The following COL16A1 variants were observed in gnomAD, a reference collection of about 807,000 sequenced individuals.
The protein encoded by COL16A1 is collagen type XVI alpha 1 chain, also known as collagen alpha-1(XVI) chain.
Under a neutral mutation model 266.3 loss-of-function variants are expected in COL16A1, and 189 were observed. That is an observed-to-expected ratio of 0.71 (90% CI 0.63 to 0.80). COL16A1 has a LOEUF of 0.80. COL16A1 is among the 30% of genes least tolerant of loss of function. The probability of loss-of-function intolerance (pLI) is 0.00; values close to 1 mark genes in which losing one functional copy is unlikely to be tolerated. For missense variants in COL16A1, 1,928 were observed against 2,122.4 expected (o/e 0.91, Z 1.80); for synonymous variants, 740 against 782.3 (o/e 0.95, Z 0.90).
At chr1:31,690,653 C>G (rs1009429661) in intron 20 of COL16A1, 80 bp from the exon 21 acceptor site, 39 of 1,558,192 alleles carry the variant, frequency 2.5e-5, no homozygotes, top group Non-Finnish European at 3.2e-5. Flanking sequence ...CACCCGTGCC[C>G]CTCTGTGATG....
intron 42 of COL16A1, among the ~76,000 whole-genome samples, chr1:31,678,193 G>A (rs939575937): frequency 6.6e-6 from 1 of 152,144 alleles, no homozygotes; most frequent in Admixed American, 6.5e-5. Flanking sequence ...TGCCAGGGTG[G>A]CGGGGGTGGG....
intron 2 of COL16A1, chr1:31,701,514 CAAGGCCA>C: frequency 1.0e-6 from 1 of 985,378 alleles, no homozygotes; most frequent in Non-Finnish European, 1.2e-6. Flanking sequence ...GGGCACCCAG[CAAGGCCA>C]GGCAAGTTGC....
At chr1:31,654,683 T>C in intron 68 of COL16A1, 109 bp downstream of exon 68, 1 of 1,587,746 alleles carries the variant, frequency 6.3e-7, no homozygotes, top group Middle Eastern at 2.2e-4. Context: ...GTGTGGAGGG[T>C]GAGAGCAGGA....
intron 61 of COL16A1, 54 bp from the exon 62 acceptor site, chr1:31,660,692 A>C (rs1449449243): frequency 1.9e-6 from 3 of 1,608,834 alleles, no homozygotes. Flanking sequence ...TGCTTGCACC[A>C]TGTGGCTGTC....
In COL16A1 at chr1:31,701,911, C is replaced by T. The variant is rs182806341; in HGVS notation, c.73+210G>A. 1.1e-3 allele frequency among the ~76,000 whole-genome samples: 172 copies of T among 152,194 alleles called. 1 individual carries two copies. Among genetic ancestry groups the T allele is most frequent in the Non-Finnish European group, 9.0e-4 (61 of 68,002 alleles). On this transcript the variant is annotated intron_variant, in intron 2 of 70. Coordinates refer to ENST00000373672, the MANE Select transcript of COL16A1 (RefSeq NM_001856.4). ...ACACAGAGATGCTCAGAGACATAAA[C>T]GTACGAAGACACAGGCACACACACT...
At position 31,684,464 on chromosome 1, in the gene COL16A1, G is replaced by T; in HGVS notation, c.2160+59C>A. 3 of 1,581,356 alleles carry T rather than the reference G, an allele frequency of 1.9e-6. No homozygotes were observed. The South Asian group carries it at 3.4e-5, about 18-fold the overall frequency. Reference sequence around the variant, plus strand: ...CCTGCAGTCCTTCCCTCACTGGTGCGACACCTGATTTTTTTTATGCAACAA... The same window carrying T: ...CCTGCAGTCCTTCCCTCACTGGTGCTACACCTGATTTTTTTTATGCAACAA... On this transcript the variant is annotated intron_variant, in intron 31 of 70. Transcript: ENST00000373672.
Position 31,665,380 on chromosome 1 carries a change from T to G in COL16A1, c.3493-146A>C, listed in dbSNP as rs1484496638. On this transcript the variant is annotated intron_variant, in intron 55 of 70. Coordinates refer to ENST00000373672, the MANE Select transcript of COL16A1 (RefSeq NM_001856.4). Reference sequence around the variant, plus strand: ...ACCACTTGGGAGCATTACGTCTGCCTGGCCTGCTGGGCTGGGGCCCACACA... The same window carrying G: ...ACCACTTGGGAGCATTACGTCTGCCGGGCCTGCTGGGCTGGGGCCCACACA... 2.8e-6 allele frequency: 4 copies of G among 1,406,126 alleles called. No individual in the cohort carries two copies. The Admixed American group carries it at 9.7e-5, about 34-fold the overall frequency. 87.1% of individuals were successfully genotyped at this position (1,406,126 alleles called of 1,614,324 possible). A position where few individuals can be genotyped will look rare whatever the true frequency, so the allele number is the denominator to read the frequency against.
chr1:31,666,956 G>A (rs1490576192), intron 52 of COL16A1, among the ~76,000 whole-genome samples: 2 of 152,196 alleles, frequency 1.3e-5, no homozygotes, highest in African/African-American at 2.4e-5. Context: ...TCCTCAGAGG[G>A]GAGCCTGGCA....
At chr1:31,690,845 C>A (rs1378035790) in intron 20 of COL16A1, among the ~76,000 whole-genome samples, 6 of 152,234 alleles carry the variant, frequency 3.9e-5, no homozygotes, top group Non-Finnish European at 8.8e-5. Context: ...CCAGCAGTCA[C>A]AGACAGAAAT....
rs1644605921 is a variant in COL16A1 at position 31,698,752 on chromosome 1, T to C, written c.267-146A>G. ...ATACATTCATTCACTCTCCATACCTTTACTGAGTGCCTTCCGCGAGCTAGG... is the reference window on the plus strand; with the variant it reads ...ATACATTCATTCACTCTCCATACCTCTACTGAGTGCCTTCCGCGAGCTAGG... On this transcript the variant is annotated intron_variant, in intron 4 of 70. Transcript: ENST00000373672. This position sits in a 1 kb window ranked among gnomAD's most constrained non-coding sequence, Gnocchi z 4.1. 8 of 1,340,268 alleles carry C rather than the reference T, an allele frequency of 6.0e-6. No individual in the cohort carries two copies. Among genetic ancestry groups the C allele is most frequent in the Non-Finnish European group, 8.0e-6 (8 of 1,003,586 alleles). The allele number at this position is 1,340,268 out of a possible 1,614,324, so 83.0% of individuals were successfully genotyped here. A position where few individuals can be genotyped will look rare whatever the true frequency, so the allele number is the denominator to read the frequency against.
In COL16A1 at chr1:31,692,629, G is replaced by A. The variant is rs550310157; in HGVS notation, c.1127C>T (p.Pro376Leu). The stretch of plus-strand genomic sequence containing the variant: ...TCCTGACTCCCCCTTCTCTCCCTTC[G>A]GGCCTTCTGCACACTGAACAGGGGA... ...PDAPLQCAEG[P>L]KGEKGESGAL... Residue 376 changes from proline (P) to leucine (L), a missense_variant, in exon 15 of 71, where the codon CCG (proline) becomes CTG (leucine). Transcript: ENST00000373672. 1.2e-4 allele frequency: 190 copies of A among 1,614,052 alleles called. No homozygotes were observed. Among genetic ancestry groups the A allele is most frequent in the East Asian group, 2.2e-4 (10 of 44,874 alleles).
At chr1:31,661,338 G>T in intron 60 of COL16A1, 76 bp downstream of exon 60, 1 of 1,608,854 alleles carries the variant, frequency 6.2e-7, no homozygotes, top group Non-Finnish European at 8.5e-7. Flanking sequence ...GCCCAGGATA[G>T]GCTGCCATGT....
chr1:31,684,124 G>T lies in COL16A1; in HGVS notation c.2268C>A (p.Gly756=). The change falls in exon 32 of 71, where the codon GGC becomes GGA. Residue 756 remains glycine, a synonymous_variant. Coordinates refer to ENST00000373672, the MANE Select transcript of COL16A1 (RefSeq NM_001856.4). ...PKGEQGPEGV[G]RPGKPGQPGL... The stretch of plus-strand genomic sequence containing the variant: ...GGCAACTCACGGGTTTACCAGGTCG[G>T]CCCACGCCTTCGGGGCCCTGCTCTC... 1.3e-6 allele frequency: 2 copies of T among 1,575,090 alleles called. No individual in the cohort carries two copies. Among genetic ancestry groups the T allele is most frequent in the Non-Finnish European group, 1.7e-6 (2 of 1,159,286 alleles).
At chr1:31,702,790 T>G (rs1323675009) in intron 1 of COL16A1, among the ~76,000 whole-genome samples, 2 of 152,098 alleles carry the variant, frequency 1.3e-5, no homozygotes, top group South Asian at 2.1e-4. Context: ...TAGGGCTGTG[T>G]GGGGGCCAAG....
chr1:31,670,749 T>G lies in COL16A1; in HGVS notation c.3151-103A>C. On this transcript the variant is annotated intron_variant, in intron 48 of 70. Coordinates refer to ENST00000373672, the MANE Select transcript of COL16A1 (RefSeq NM_001856.4). The surrounding 1 kb of genome is among the most constrained non-coding windows in gnomAD (Gnocchi z 4.5). ...TGGGGGTCATGGGGAGAGGAGGTCA[T>G]GGGAGTATTTTCAAGGCAGCTGGAA... The G allele has an allele frequency of 1.1e-6, 1 of 951,932 alleles. No homozygotes were observed. Among genetic ancestry groups the G allele is most frequent in the Non-Finnish European group, 1.4e-6 (1 of 694,996 alleles). 59.0% of individuals were successfully genotyped at this position (951,932 alleles called of 1,614,324 possible).
intron 61 of COL16A1, 113 bp downstream of exon 61, chr1:31,660,953 C>G: frequency 1.6e-6 from 2 of 1,221,466 alleles, no homozygotes; most frequent in Non-Finnish European, 2.3e-6. Context: ...TCCCAGAAGG[C>G]TGAGGACAGA....
intron 22 of COL16A1, 134 bp from the exon 23 acceptor site, chr1:31,689,985 G>A (rs1644184124): frequency 2.8e-6 from 2 of 722,976 alleles, no homozygotes; most frequent in African/African-American, 3.5e-5. Context: ...GTGGACAGCA[G>A]GAATGCCGCT....
At position 31,684,530 on chromosome 1, in the gene COL16A1, C is replaced by A; in HGVS notation, c.2153G>T (p.Gly718Val). ...PGVQGPAGPK[G>V]EKGDGCTACP... is the part of the protein sequence containing the mutation. Reference sequence around the variant, plus strand: ...CCACCCCGCCTGACTAACCTTTTCTCCTTTTGGCCCCGCGGGGCCCTGAAC... The same window carrying A: ...CCACCCCGCCTGACTAACCTTTTCTACTTTTGGCCCCGCGGGGCCCTGAAC... Residue 718 changes from glycine (G) to valine (V), a missense_variant, in exon 31 of 71, where the codon GGA becomes GTA. Transcript: ENST00000373672. 6.2e-7 allele frequency: 1 copy of A among 1,612,356 alleles called. No homozygotes were observed. Among genetic ancestry groups the A allele is most frequent in the Non-Finnish European group, 8.5e-7 (1 of 1,179,304 alleles).
In COL16A1 at chr1:31,685,552, G is replaced by T. The variant is rs1187988822; in HGVS notation, c.2016+87C>A. 61 of 1,479,440 alleles carry T rather than the reference G, an allele frequency of 4.1e-5. No homozygotes were observed. Among genetic ancestry groups the T allele is most frequent in the Non-Finnish European group, 4.7e-5 (51 of 1,091,102 alleles). 91.6% of individuals were successfully genotyped at this position (1,479,440 alleles called of 1,614,324 possible). A position where few individuals can be genotyped will look rare whatever the true frequency, so the allele number is the denominator to read the frequency against. On this transcript the variant is annotated intron_variant, in intron 29 of 70. Transcript: ENST00000373672. The surrounding 1 kb of genome is among the most constrained non-coding windows in gnomAD (Gnocchi z 4.0). The stretch of plus-strand genomic sequence containing the variant: ...CCCACTACCCCCAACTGCCCAGGGA[G>T]TCAAGAGACCCAGGCAGGACCCCTC...
Sources: allele counts gnomAD v4.1 joint callset (sites outside exome capture counted in the v4.1 genomes callset), GRCh38; gene constraint gnomAD v4.1.1; non-coding constraint Gnocchi (gnomAD v3.1); transcripts MANE v1.5; gene names NCBI Gene and HGNC (gene_info 2026-07-23, HGNC 2026-07-21).